CTNNA3: variants seen among roughly 807,000 people sequenced by gnomAD.
The protein encoded by CTNNA3 is catenin alpha 3.
Under a neutral mutation model 95.7 loss-of-function variants are expected in CTNNA3, and 76 were observed. The ratio of observed to expected loss-of-function variants is 0.79; its 90% CI spans 0.66 to 0.96. The LOEUF (loss-of-function observed/expected upper bound fraction) is 0.96. Ranked by LOEUF, CTNNA3 falls within the 40% of genes least tolerant of loss-of-function variation. CTNNA3 has a pLI of 0.00. For synonymous variants in CTNNA3, 431 were observed against 374.4 expected (o/e 1.15, Z -1.74); for missense variants, 1,191 against 1,089.8 (o/e 1.09, Z -1.31).
chr10:66,782,483 C>T (rs184124907), intron 7 of CTNNA3, among the ~76,000 whole-genome samples: 3 of 152,138 alleles, frequency 2.0e-5, no homozygotes, highest in Admixed American at 1.3e-4. Context: ...TCTGACCCTC[C>T]TCAATTTTGC....
intron 2 of CTNNA3, among the ~76,000 whole-genome samples, chr10:67,628,313 AG>A (rs1256032774): frequency 1.3e-5 from 2 of 150,980 alleles, no homozygotes; most frequent in Non-Finnish European, 3.0e-5. Flanking sequence ...AGGTCTTTTG[AG>A]TATTTGAAAA....
Position 67,482,860 on chromosome 10 carries a change from AT to A in CTNNA3, c.579+38981del, listed in dbSNP as rs367630545. Among the ~76,000 whole-genome samples, 122 of 152,304 alleles carry A rather than the reference AT, an allele frequency of 8.0e-4. 2 individuals carry two copies. The East Asian group carries it at 0.023, about 28-fold the overall frequency. Reference sequence around the variant, plus strand: ...AAGGGAATGCTTCCAGTTTTTGCCCATTCAGTATGGTATTGGCTGTGGGTTT... The same window carrying A: ...AAGGGAATGCTTCCAGTTTTTGCCCATCAGTATGGTATTGGCTGTGGGTTT... On this transcript the variant is annotated intron_variant, in intron 5 of 17. Coordinates refer to ENST00000433211, the MANE Select transcript of CTNNA3 (RefSeq NM_013266.4).
At chr10:65,942,362 A>G (rs951222845) in intron 17 of CTNNA3, among the ~76,000 whole-genome samples, 1 of 152,178 alleles carries the variant, frequency 6.6e-6, no homozygotes, top group Admixed American at 6.5e-5. Context: ...CCCTGTCTCT[A>G]CTAAAAATAC....
chr10:66,627,108 T>C (rs1221884751), intron 9 of CTNNA3, among the ~76,000 whole-genome samples: 4 of 152,138 alleles, frequency 2.6e-5, no homozygotes, highest in African/African-American at 7.2e-5. Flanking sequence ...GGAAGTTTAA[T>C]AGAAAGCTTC....
chr10:66,724,166 T>G (rs966389414), intron 9 of CTNNA3, among the ~76,000 whole-genome samples: 2 of 152,142 alleles, frequency 1.3e-5, no homozygotes, highest in African/African-American at 4.8e-5. Context: ...AGTACTTGCA[T>G]GAAGGGAGCC....
At chr10:66,603,718 G>C (rs1003732160) in intron 10 of CTNNA3, among the ~76,000 whole-genome samples, 1 of 152,138 alleles carries the variant, frequency 6.6e-6, no homozygotes. Flanking sequence ...TATGGTACTA[G>C]CATGAAAAAA....
chr10:65,959,804 C>A (rs780926715), intron 17 of CTNNA3, among the ~76,000 whole-genome samples: 1 of 152,128 alleles, frequency 6.6e-6, no homozygotes, highest in African/African-American at 2.4e-5. Context: ...CCCTGAGCCA[C>A]CGTACCTGGC....
chr10:65,961,336 C>T (rs2077838515), intron 17 of CTNNA3, among the ~76,000 whole-genome samples: 1 of 152,014 alleles, frequency 6.6e-6, no homozygotes, highest in African/African-American at 2.4e-5. Context: ...TTGCCTTCAC[C>T]ATAATACTGA....
At chr10:67,502,254 T>C (rs1342637164) in intron 5 of CTNNA3, among the ~76,000 whole-genome samples, 1 of 152,156 alleles carries the variant, frequency 6.6e-6, no homozygotes, top group Non-Finnish European at 1.5e-5. Flanking sequence ...TGGTGTTTGC[T>C]GGGGGTCCAC....
intron 13 of CTNNA3, among the ~76,000 whole-genome samples, chr10:66,181,085 C>T (rs572328445): frequency 6.6e-6 from 1 of 151,130 alleles, no homozygotes; most frequent in East Asian, 1.9e-4. Context: ...GGTAAGTGTG[C>T]TGACTCAAAA....
intron 6 of CTNNA3, among the ~76,000 whole-genome samples, chr10:67,185,583 C>T (rs906764240): frequency 6.6e-6 from 1 of 152,040 alleles, no homozygotes; most frequent in Non-Finnish European, 1.5e-5. Flanking sequence ...TTGATGAAAC[C>T]ATAATCCCTA....
chr10:66,721,286 C>T (rs1033324368), intron 9 of CTNNA3, among the ~76,000 whole-genome samples: 42 of 152,130 alleles, frequency 2.8e-4, no homozygotes, highest in Admixed American at 5.2e-4. Context: ...TCGAGCAAAG[C>T]TTTTCAAGCT....
At chr10:66,811,950 A>G (rs867169150) in intron 7 of CTNNA3, among the ~76,000 whole-genome samples, 1 of 152,278 alleles carries the variant, frequency 6.6e-6, no homozygotes, top group Non-Finnish European at 1.5e-5. Flanking sequence ...TTCATTCATG[A>G]GTATGTTCAG....
At chr10:66,094,623 G>T (rs1316212193) in intron 14 of CTNNA3, among the ~76,000 whole-genome samples, 1 of 152,062 alleles carries the variant, frequency 6.6e-6, no homozygotes, top group Non-Finnish European at 1.5e-5. Flanking sequence ...CTGTTATAAA[G>T]AAAACATTTA....
intron 9 of CTNNA3, among the ~76,000 whole-genome samples, chr10:66,749,170 T>C (rs540090422): frequency 8.8e-6 from 1 of 113,186 alleles, no homozygotes; most frequent in South Asian, 3.0e-4. Context: ...GCCGCTGCAC[T>C]CCAGCCTGGG....
intron 4 of CTNNA3, among the ~76,000 whole-genome samples, chr10:67,535,044 G>A (rs1167146603): frequency 6.6e-6 from 1 of 152,056 alleles, no homozygotes; most frequent in Non-Finnish European, 1.5e-5. Context: ...AGCTCTTATT[G>A]GGTCATTAAA....
intron 3 of CTNNA3, among the ~76,000 whole-genome samples, chr10:67,583,660 A>C (rs1230363883): frequency 6.6e-6 from 1 of 152,174 alleles, no homozygotes; most frequent in Non-Finnish European, 1.5e-5. Context: ...GTGTTTTCCA[A>C]CTTGGTTCCA....
chr10:66,907,645 C>T (rs188855024), intron 7 of CTNNA3, among the ~76,000 whole-genome samples: 4 of 152,128 alleles, frequency 2.6e-5, no homozygotes, highest in South Asian at 2.1e-4. Flanking sequence ...GATGAGTTTG[C>T]GCAATGATTT....
At chr10:66,777,712 A>T (rs1840360558) in intron 7 of CTNNA3, among the ~76,000 whole-genome samples, 1 of 151,626 alleles carries the variant, frequency 6.6e-6, no homozygotes, top group Non-Finnish European at 1.5e-5. Context: ...ACTTCATGAA[A>T]GCAGAGATAA....
Sources: allele counts gnomAD v4.1 joint callset (sites outside exome capture counted in the v4.1 genomes callset), GRCh38; gene constraint gnomAD v4.1.1; transcripts MANE v1.5; gene names NCBI Gene and HGNC (gene_info 2026-07-23, HGNC 2026-07-21).